Variants in ELOVL2 observed in about 807,000 individuals in gnomAD.
The protein encoded by ELOVL2 is ELOVL fatty acid elongase 2.
In ELOVL2, 38 loss-of-function variants were observed where a neutral mutation model predicts 37.7. That is an observed-to-expected ratio of 1.01 (90% confidence interval 0.78 to 1.32). ELOVL2 has a LOEUF of 1.32. ELOVL2 is among the 40% of genes most tolerant of loss of function. The probability of loss-of-function intolerance (pLI) is 0.00; values close to 1 mark genes in which losing one functional copy is unlikely to be tolerated. For missense variants in ELOVL2, 352 were observed against 363.6 expected (o/e 0.97, Z 0.26); for synonymous variants, 115 against 122.3 (o/e 0.94, Z 0.40).
chr6:10,992,623 TATTAA>T (rs1397289760), intron 5 of ELOVL2, among the ~76,000 whole-genome samples: 13 of 151,650 alleles, frequency 8.6e-5, no homozygotes, highest in Admixed American at 8.5e-4. Context: ...ACCCCGTCTC[TATTAA>T]AAGTACAAAA....
chr6:10,990,474 T>C, intron 5 of ELOVL2, 32 bp from the exon 6 acceptor site: 1 of 1,548,304 alleles, frequency 6.5e-7, no homozygotes. Flanking sequence ...ATCACTATTC[T>C]TCCAGGAAGG....
At chr6:10,994,012 C>CAA (rs767420973) in intron 5 of ELOVL2, among the ~76,000 whole-genome samples, 4,303 of 106,062 alleles carry the variant, frequency 0.041, 111 homozygotes, top group African/African-American at 0.067. Flanking sequence ...CCAGCCCTAC[C>CAA]AAAAAAAAAA....
chr6:11,044,120 C>T lies in ELOVL2; in HGVS notation c.3+108G>A, dbSNP rs1783166373. The T allele has an allele frequency of 6.9e-6, 9 of 1,310,106 alleles. No individual in the cohort carries two copies. The East Asian group carries it at 2.0e-4, about 29-fold the overall frequency. The allele number at this position is 1,310,106 out of a possible 1,614,324, so 81.2% of individuals were successfully genotyped here. On this transcript the variant is annotated intron_variant, in intron 1 of 7. Transcript: ENST00000354666. The surrounding 1 kb of genome is among the most constrained non-coding windows in gnomAD (Gnocchi z 5.6). Reference sequence around the variant, plus strand: ...GAGGGTAGCGGGTTCCAGCGGCGAACCCGCAGCGCCCGCGCCGGCGCCCGC... The same window carrying T: ...GAGGGTAGCGGGTTCCAGCGGCGAATCCGCAGCGCCCGCGCCGGCGCCCGC...
rs1258136547 is a variant in ELOVL2, at chr6:10,982,981, A to G, written c.*800T>C. The G allele has an allele frequency of 6.6e-6, 1 of 152,192 alleles. No homozygotes were observed. The highest frequency in any genetic ancestry group is 1.5e-5 in the Non-Finnish European group (1 of 68,038). The allele number at this position is 152,192 out of a possible 1,614,324, so 9.4% of individuals were successfully genotyped here. A position where few individuals can be genotyped will look rare whatever the true frequency, so the allele number is the denominator to read the frequency against. ...AGTAAACGGGCAGCCAGATTTGTAC[A>G]CTGCTCGTGGTGTGGAGCATGGCAT... On this transcript the variant is annotated 3_prime_UTR_variant, in exon 8 of 8. Coordinates refer to ENST00000354666, the MANE Select transcript of ELOVL2 (RefSeq NM_017770.4).
At position 11,010,807 on chromosome 6, in the gene ELOVL2, T is replaced by G. The variant is rs1278238756; in HGVS notation, c.6A>C (p.Glu2Asp). Reference protein sequence around the residue: MEHLKAFDDEIN... With the variant: MDHLKAFDDEIN... ...TTTCATCATCAAAGGCCTTTAGATG[T>G]TCCTAAAAAGAGAAAGAAAAAATGA... Residue 2 changes from glutamate (E) to aspartate (D), a missense_variant and splice_region_variant, in exon 2 of 8, where the codon GAA becomes GAC. Physicochemically the swap from Glu to Asp is conservative, Grantham distance 45. Coordinates refer to ENST00000354666, the MANE Select transcript of ELOVL2 (RefSeq NM_017770.4). 9.3e-6 allele frequency: 15 copies of G among 1,605,986 alleles called. 1 individual carries two copies. The highest frequency in any genetic ancestry group is 1.2e-5 in the Non-Finnish European group (14 of 1,177,494).
At chr6:11,037,438 T>C (rs148335606) in intron 1 of ELOVL2, among the ~76,000 whole-genome samples, 264 of 152,128 alleles carry the variant, frequency 1.7e-3, no homozygotes, top group Middle Eastern at 6.8e-3. Context: ...CTTTAAAGTA[T>C]TGGAAATAAA....
At chr6:10,994,032 G>A (rs981876619) in intron 5 of ELOVL2, among the ~76,000 whole-genome samples, 14 of 142,658 alleles carry the variant, frequency 9.8e-5, no homozygotes, top group Middle Eastern at 4.0e-3. Context: ...AAAAAAAATA[G>A]CTGGGCATGG....
intron 1 of ELOVL2, chr6:11,043,404 A>ACACAC (rs1783133435): frequency 8.7e-6 from 1 of 115,012 alleles, no homozygotes; most frequent in African/African-American, 3.1e-5. Context: ...GACACGGGTG[A>ACACAC]ACACACACAC....
chr6:10,983,742 C>CT lies in ELOVL2; in HGVS notation c.*38dup. On this transcript the variant is annotated 3_prime_UTR_variant, in exon 8 of 8. Transcript: ENST00000354666. ...AGTCTTTGCTTTAAAACAAGCCAATCTGTTAGGCTAGTATATGTGCTTTTT... is the reference window on the plus strand; with the variant it reads ...AGTCTTTGCTTTAAAACAAGCCAATCTTGTTAGGCTAGTATATGTGCTTTTT... The CT allele has an allele frequency of 6.4e-7, 1 of 1,554,766 alleles. No individual in the cohort carries two copies. Among genetic ancestry groups the CT allele is most frequent in the Non-Finnish European group, 8.7e-7 (1 of 1,152,642 alleles).
intron 1 of ELOVL2, among the ~76,000 whole-genome samples, chr6:11,024,967 A>T (rs1251844440): frequency 2.0e-5 from 3 of 152,208 alleles, no homozygotes; most frequent in Non-Finnish European, 4.4e-5. Flanking sequence ...AAACTCAGAG[A>T]GAAGGGATAG....
chr6:10,999,663 C>G (rs958314112), intron 4 of ELOVL2, among the ~76,000 whole-genome samples: 2 of 152,174 alleles, frequency 1.3e-5, no homozygotes, highest in Non-Finnish European at 2.9e-5. Flanking sequence ...CGTGAGCCAC[C>G]ATGCCCGGCA....
chr6:11,024,367 T>G (rs551975399), intron 1 of ELOVL2, among the ~76,000 whole-genome samples: 1 of 152,370 alleles, frequency 6.6e-6, no homozygotes, highest in African/African-American at 2.4e-5. Context: ...ATCCTTTTTC[T>G]TATTGATAAA....
intron 1 of ELOVL2, among the ~76,000 whole-genome samples, chr6:11,033,134 C>G (rs780823277): frequency 6.6e-6 from 1 of 152,108 alleles, no homozygotes; most frequent in Non-Finnish European, 1.5e-5. Flanking sequence ...TATCTTGCCC[C>G]CTTCTAACAT....
chr6:11,008,300 C>T (rs1782512776), intron 2 of ELOVL2, among the ~76,000 whole-genome samples: 1 of 152,214 alleles, frequency 6.6e-6, no homozygotes. Flanking sequence ...GAGTAAACAA[C>T]TGTAATCCTT....
intron 1 of ELOVL2, among the ~76,000 whole-genome samples, chr6:11,026,408 G>A (rs182668347): frequency 7.5e-4 from 114 of 152,218 alleles, no homozygotes; most frequent in African/African-American, 2.6e-3. Flanking sequence ...GTGCCGTTTG[G>A]GTCGGGCTGT....
At chr6:10,990,881 G>C (rs1257797926) in intron 5 of ELOVL2, among the ~76,000 whole-genome samples, 5 of 152,234 alleles carry the variant, frequency 3.3e-5, no homozygotes, top group Non-Finnish European at 7.3e-5. Context: ...CAGGGTGCTA[G>C]AGAGACAAAA....
intron 1 of ELOVL2, among the ~76,000 whole-genome samples, chr6:11,016,156 T>C (rs1363756301): frequency 3.2e-5 from 2 of 62,334 alleles, no homozygotes; most frequent in African/African-American, 4.4e-5. Context: ...TATTTCCTTC[T>C]TCCTTCTTCC....
intron 2 of ELOVL2, among the ~76,000 whole-genome samples, chr6:11,009,847 C>A (rs946002527): frequency 2.6e-4 from 39 of 151,938 alleles, no homozygotes; most frequent in African/African-American, 8.9e-4. Flanking sequence ...TGACTTAGGT[C>A]TTTAGAATGT....
chr6:11,004,184 C>A (rs1460890475), intron 3 of ELOVL2, among the ~76,000 whole-genome samples: 2 of 151,792 alleles, frequency 1.3e-5, no homozygotes, highest in Non-Finnish European at 2.9e-5. Context: ...TCATTCCAGT[C>A]ATTTATGGTA....
Sources: allele counts gnomAD v4.1 joint callset (sites outside exome capture counted in the v4.1 genomes callset), GRCh38; gene constraint gnomAD v4.1.1; non-coding constraint Gnocchi (gnomAD v3.1); transcripts MANE v1.5; gene names NCBI Gene and HGNC (gene_info 2026-07-23, HGNC 2026-07-21).